The following FAM185A variants were observed in gnomAD, a reference collection of about 807,000 sequenced individuals.
The protein encoded by FAM185A is family with sequence similarity 185 member A, also known as protein FAM185A.
Under a neutral mutation model 45.7 loss-of-function variants are expected in FAM185A, and 21 were observed. That is an observed-to-expected ratio of 0.46 (90% CI 0.33 to 0.66). The LOEUF (loss-of-function observed/expected upper bound fraction) is 0.66, where lower values mean the gene tolerates loss of function less well. Ranked by LOEUF, FAM185A falls within the 30% of genes least tolerant of loss-of-function variation. FAM185A has a pLI of 0.03. For synonymous variants in FAM185A, 117 were observed against 194.0 expected, an observed-to-expected ratio of 0.60 and a Z score of 3.30; for missense variants, 305 against 485.4, an observed-to-expected ratio of 0.63 and a Z score of 3.49.
intron 5 of FAM185A, 109 bp downstream of exon 5, chr7:102,772,559 A>G: frequency 1.6e-6 from 1 of 634,300 alleles, no homozygotes. Context: ...GATGAACTTG[A>G]CAGGATCACA....
chr7:102,848,941 A>C, the FAM185A span, among the ~76,000 whole-genome samples: 1 of 152,152 alleles, frequency 6.6e-6, no homozygotes, highest in Admixed American at 6.5e-5. Context: ...CGGAGGTTGC[A>C]GTGAGTCGAG....
chr7:102,831,432 C>CA, the FAM185A span, among the ~76,000 whole-genome samples: 2 of 145,602 alleles, frequency 1.4e-5, no homozygotes, highest in South Asian at 2.1e-4. Flanking sequence ...CACACACACA[C>CA]CCCACTACAG....
the FAM185A span, among the ~76,000 whole-genome samples, chr7:102,817,115 T>G: frequency 6.6e-6 from 1 of 152,174 alleles, no homozygotes; most frequent in Non-Finnish European, 1.5e-5. Context: ...TTCCTTTGGG[T>G]AGATACCCAG....
At chr7:102,821,169 C>A in the FAM185A span, among the ~76,000 whole-genome samples, 2 of 152,078 alleles carry the variant, frequency 1.3e-5, no homozygotes, top group Non-Finnish European at 1.5e-5. Context: ...CATTGTATAT[C>A]CTTTAAATGA....
At chr7:102,809,723 CAAAT>C (rs1339985658), downstream of FAM185A, among the ~76,000 whole-genome samples, 4 of 151,946 alleles carry the variant, frequency 2.6e-5, no homozygotes, top group Admixed American at 6.6e-5. Context: ...TTAAAATAAA[CAAAT>C]AAGTTATATA....
downstream of FAM185A, among the ~76,000 whole-genome samples, chr7:102,809,697 G>A (rs1045066715): frequency 1.2e-4 from 18 of 152,004 alleles, no homozygotes; most frequent in Non-Finnish European, 2.1e-4. Flanking sequence ...GTGAAACTCC[G>A]TCTCAAAAAA....
intron 7 of FAM185A, among the ~76,000 whole-genome samples, chr7:102,805,502 G>A (rs1797057520): frequency 6.6e-6 from 1 of 151,880 alleles, no homozygotes; most frequent in East Asian, 1.9e-4. Flanking sequence ...AGGCATAAGA[G>A]TGATACAATG....
At chr7:102,822,571 CT>C in the FAM185A span, 3 of 411,524 alleles carry the variant, frequency 7.3e-6, no homozygotes, top group South Asian at 5.5e-5. Flanking sequence ...CTTTCTATTA[CT>C]GTCACAGTGG....
At chr7:102,761,886 A>C (rs1235724745) in intron 4 of FAM185A, among the ~76,000 whole-genome samples, 2 of 151,748 alleles carry the variant, frequency 1.3e-5, no homozygotes, top group Non-Finnish European at 2.9e-5. Context: ...CTGATCTCAA[A>C]CTCCTGGGCC....
chr7:102,812,630 A>G (rs1446679049), downstream of FAM185A, among the ~76,000 whole-genome samples: 1 of 152,162 alleles, frequency 6.6e-6, no homozygotes, highest in Non-Finnish European at 1.5e-5. Flanking sequence ...AGATCCTTAA[A>G]GTTATTCCCC....
intron 2 of FAM185A, chr7:102,756,086 C>G (rs1793707000): frequency 3.9e-6 from 1 of 257,676 alleles, no homozygotes; most frequent in Non-Finnish European, 7.5e-6. Flanking sequence ...ACTCATGTCT[C>G]TGGGCATAAC....
At chr7:102,775,811 A>G (rs1053520040) in intron 5 of FAM185A, among the ~76,000 whole-genome samples, 4 of 152,068 alleles carry the variant, frequency 2.6e-5, no homozygotes, top group Non-Finnish European at 5.9e-5. Flanking sequence ...AGGATGCGGT[A>G]AGAGGTTTAA....
At chr7:102,797,253 G>GAGAT (rs1443933250) in intron 7 of FAM185A, among the ~76,000 whole-genome samples, 20 of 152,146 alleles carry the variant, frequency 1.3e-4, no homozygotes, top group African/African-American at 4.8e-4. Context: ...ATGAGGTCAG[G>GAGAT]AGATAGAGAC....
chr7:102,826,710 G>A, the FAM185A span, among the ~76,000 whole-genome samples: 3 of 125,484 alleles, frequency 2.4e-5, no homozygotes, highest in East Asian at 2.1e-4. Flanking sequence ...GGGAGACAGA[G>A]TGAGACCCTG....
At chr7:102,769,791 C>CCT (rs1287525895) in intron 4 of FAM185A, among the ~76,000 whole-genome samples, 5 of 151,318 alleles carry the variant, frequency 3.3e-5, no homozygotes, top group African/African-American at 1.2e-4. Flanking sequence ...GTGGCACAGG[C>CCT]CTCACATGGA....
At chr7:102,822,988 G>C in the FAM185A span, among the ~76,000 whole-genome samples, 1 of 152,092 alleles carries the variant, frequency 6.6e-6, no homozygotes, top group African/African-American at 2.4e-5. Flanking sequence ...CTTGAGCCTG[G>C]GAGGTCAGTG....
At chr7:102,827,466 C>G in the FAM185A span, among the ~76,000 whole-genome samples, 3 of 152,134 alleles carry the variant, frequency 2.0e-5, no homozygotes, top group Non-Finnish European at 4.4e-5. Context: ...AGCAAAAGAT[C>G]AGCCAATACT....
Position 102,785,077 on chromosome 7 carries a change from C to A in FAM185A, c.932-2258C>A, listed in dbSNP as rs570455072. Reference sequence around the variant, plus strand: ...TAAATCATGAGTGAACTCCCATTTACAATTGCTTCAAAGAGAATAAAATAC... The same window carrying A: ...TAAATCATGAGTGAACTCCCATTTAAAATTGCTTCAAAGAGAATAAAATAC... On this transcript the variant is annotated intron_variant, in intron 6 of 7. Transcript: ENST00000413034. 1.9e-3 allele frequency among the ~76,000 whole-genome samples: 285 copies of A among 152,264 alleles called. 2 individuals carry two copies. Among genetic ancestry groups the A allele is most frequent in the South Asian group, 0.017 (82 of 4,816 alleles).
intron 7 of FAM185A, among the ~76,000 whole-genome samples, chr7:102,805,878 A>G (rs879759105): frequency 6.6e-6 from 1 of 152,136 alleles, no homozygotes; most frequent in Admixed American, 6.5e-5. Context: ...GTGAAGCTTT[A>G]TCTAAAAATT....
Sources: gnomAD v4.1 joint callset for allele counts (sites outside exome capture counted in the v4.1 genomes callset) on GRCh38, gnomAD v4.1.1 for gene constraint, MANE v1.5 for transcripts, NCBI Gene and HGNC (gene_info 2026-07-23, HGNC 2026-07-21) for gene names.